The following HHAT variants were observed in gnomAD, a reference collection of about 807,000 sequenced individuals.
The protein encoded by HHAT is hedgehog acyltransferase, also known as protein-cysteine N-palmitoyltransferase HHAT.
HHAT carries 47 observed loss-of-function variants against 70.8 expected under a neutral mutation model. That is an observed-to-expected ratio of 0.66 (90% CI 0.53 to 0.85). HHAT has a LOEUF of 0.85. Ranked by LOEUF, HHAT falls within the 40% of genes least tolerant of loss-of-function variation. The pLI, the probability that HHAT is intolerant of heterozygous loss-of-function variation, is 0.00. For missense variants in HHAT, 609 were observed against 604.8 expected (o/e 1.01, Z -0.07); for synonymous variants, 228 against 247.6 (o/e 0.92, Z 0.74).
At chr1:210,343,673 G>A (rs1248816965) in intron 1 of HHAT, among the ~76,000 whole-genome samples, 1 of 152,154 alleles carries the variant, frequency 6.6e-6, no homozygotes, top group Non-Finnish European at 1.5e-5. Flanking sequence ...GAAAGCCTGC[G>A]GGTGGTCCCC....
chr1:210,330,416 C>T (rs989395398), intron 1 of HHAT, among the ~76,000 whole-genome samples: 1 of 152,154 alleles, frequency 6.6e-6, no homozygotes, highest in African/African-American at 2.4e-5. Flanking sequence ...TAGAGAAAGC[C>T]TTGGAGGGGA....
chr1:210,393,109 T>C (rs1325820325), intron 4 of HHAT, among the ~76,000 whole-genome samples: 1 of 152,132 alleles, frequency 6.6e-6, no homozygotes, highest in African/African-American at 2.4e-5. Context: ...TCTCTAAGGC[T>C]GCTTCCACAG....
At chr1:210,557,220 G>A (rs2095580855) in intron 9 of HHAT, among the ~76,000 whole-genome samples, 1 of 152,224 alleles carries the variant, frequency 6.6e-6, no homozygotes, top group Non-Finnish European at 1.5e-5. Flanking sequence ...ACCAACACTT[G>A]CTAAACTGCT....
chr1:210,525,080 C>G (rs1217408105), intron 9 of HHAT, among the ~76,000 whole-genome samples: 2 of 151,938 alleles, frequency 1.3e-5, no homozygotes, highest in Non-Finnish European at 2.9e-5. Context: ...GTCTTCTGGC[C>G]ACTCAGCAAA....
At chr1:210,664,978 A>C (rs186904740) in intron 11 of HHAT, among the ~76,000 whole-genome samples, 66 of 151,848 alleles carry the variant, frequency 4.3e-4, no homozygotes, top group African/African-American at 1.6e-3. Flanking sequence ...CCTCTTTGGC[A>C]GCATCTCCTG....
intron 9 of HHAT, among the ~76,000 whole-genome samples, chr1:210,584,557 C>A (rs1660010805): frequency 6.6e-6 from 1 of 152,076 alleles, no homozygotes; most frequent in Non-Finnish European, 1.5e-5. Context: ...TGGGGGGCAG[C>A]AGAACACCGG....
intron 9 of HHAT, among the ~76,000 whole-genome samples, chr1:210,574,937 C>T (rs534134808): frequency 5.3e-5 from 8 of 152,226 alleles, no homozygotes; most frequent in Admixed American, 2.6e-4. Context: ...AGATTAGGAC[C>T]GGCAGGAGTG....
At position 210,470,018 on chromosome 1, in the gene HHAT, A is replaced by G. The variant is rs150088634; in HGVS notation, c.1007+5363A>G. On this transcript the variant is annotated intron_variant, in intron 8 of 11. Coordinates refer to ENST00000261458, the MANE Select transcript of HHAT (RefSeq NM_018194.6). ...CTCCCCACACCTGGCTAATTTTTAA[A>G]TTTTTTGTAGAGGAAGGGTCTCTAC... is the stretch of plus-strand genomic sequence containing the variant. Among the ~76,000 whole-genome samples, 1,312 of 152,036 alleles carry G rather than the reference A, an allele frequency of 8.6e-3. 21 individuals carry two copies. Among genetic ancestry groups the G allele is most frequent in the African/African-American group, 0.031 (1,267 of 41,460 alleles).
intron 9 of HHAT, among the ~76,000 whole-genome samples, chr1:210,534,683 G>A (rs1322561110): frequency 6.6e-6 from 1 of 152,104 alleles, no homozygotes; most frequent in African/African-American, 2.4e-5. Flanking sequence ...TTTTGTGCAC[G>A]AAACAGTGTT....
At chr1:210,661,646 C>G (rs1435820306) in intron 11 of HHAT, among the ~76,000 whole-genome samples, 1 of 152,180 alleles carries the variant, frequency 6.6e-6, no homozygotes. Context: ...AACTTGGAAC[C>G]AACCCAAATG....
chr1:210,542,306 C>A (rs1278997081), intron 9 of HHAT, among the ~76,000 whole-genome samples: 1 of 152,110 alleles, frequency 6.6e-6, no homozygotes, highest in Non-Finnish European at 1.5e-5. Context: ...TTGCTGTCAC[C>A]TAAACTGTTA....
chr1:210,545,434 T>A (rs2095474830), intron 9 of HHAT, among the ~76,000 whole-genome samples: 1 of 133,090 alleles, frequency 7.5e-6, no homozygotes. Flanking sequence ...TTCTTTTTTT[T>A]CCTTTTTTTT....
chr1:210,546,909 G>T (rs1406910034), intron 9 of HHAT, among the ~76,000 whole-genome samples: 1 of 152,140 alleles, frequency 6.6e-6, no homozygotes, highest in Non-Finnish European at 1.5e-5. Context: ...AACAGCTTGG[G>T]GTTTTTGGTC....
intron 9 of HHAT, among the ~76,000 whole-genome samples, chr1:210,517,934 A>G (rs901422383): frequency 1.3e-5 from 2 of 152,296 alleles, no homozygotes; most frequent in Middle Eastern, 6.8e-3. Context: ...GCAGGATAAC[A>G]TCATGAGCAG....
At chr1:210,482,378 A>G (rs2094410320) in intron 8 of HHAT, among the ~76,000 whole-genome samples, 1 of 152,200 alleles carries the variant, frequency 6.6e-6, no homozygotes, top group Non-Finnish European at 1.5e-5. Context: ...CTTGAAACTG[A>G]ACTAATTGAA....
intron 2 of HHAT, among the ~76,000 whole-genome samples, chr1:210,357,594 G>A (rs368961688): frequency 6.5e-4 from 99 of 152,332 alleles, no homozygotes; most frequent in African/African-American, 2.0e-3. Flanking sequence ...GGCCGAGGCG[G>A]GTGGATAATG....
At chr1:210,354,269 A>G (rs1050132603) in intron 2 of HHAT, among the ~76,000 whole-genome samples, 4 of 137,202 alleles carry the variant, frequency 2.9e-5, no homozygotes, top group African/African-American at 1.2e-4. Context: ...CAGTGGCACG[A>G]TCTCTGCTCA....
intron 1 of HHAT, among the ~76,000 whole-genome samples, chr1:210,343,684 G>C (rs976487764): frequency 6.6e-6 from 1 of 152,158 alleles, no homozygotes; most frequent in African/African-American, 2.4e-5. Flanking sequence ...GGTGGTCCCC[G>C]GGGATAGTTT....
chr1:210,622,377 T>C (rs1669006955), intron 10 of HHAT, among the ~76,000 whole-genome samples: 1 of 152,212 alleles, frequency 6.6e-6, no homozygotes, highest in African/African-American at 2.4e-5. Context: ...TGCTGTGCTG[T>C]ACCTGGTTCT....
Sources: gnomAD v4.1 joint callset for allele counts (sites outside exome capture counted in the v4.1 genomes callset) on GRCh38, gnomAD v4.1.1 for gene constraint, MANE v1.5 for transcripts, NCBI Gene and HGNC (gene_info 2026-07-23, HGNC 2026-07-21) for gene names.